The following CFAP74 variants were observed in gnomAD, a reference collection of about 807,000 sequenced individuals.
CFAP74 encodes the protein cilia- and flagella-associated protein 74.
In CFAP74, 124 loss-of-function variants were observed where a neutral mutation model predicts 188.9. The ratio of observed to expected loss-of-function variants is 0.66; its 90% CI spans 0.57 to 0.76. CFAP74 has a LOEUF of 0.76. Among genes scored for constraint, CFAP74 ranks in the 30% least tolerant of loss-of-function variants. CFAP74 has a pLI of 0.00. For synonymous variants in CFAP74, 956 were observed against 916.7 expected (o/e 1.04, Z -0.77); for missense variants, 2,198 against 2,165.2 (o/e 1.02, Z -0.30).
At chr1:2,002,859 T>A (rs1658273866) in intron 1 of CFAP74, among the ~76,000 whole-genome samples, 1 of 150,750 alleles carries the variant, frequency 6.6e-6, no homozygotes, top group African/African-American at 2.4e-5. Context: ...TAAGTGAAAG[T>A]TAACTATATT....
intron 9 of CFAP74, 123 bp downstream of exon 9, chr1:1,971,854 TCAC>T (rs1279672048): frequency 1.7e-5 from 12 of 704,174 alleles, no homozygotes; most frequent in Non-Finnish European, 2.9e-5. Flanking sequence ...CCTCCAGGGG[TCAC>T]CAAGTGCGCG....
chr1:1,989,029 C>G, intron 2 of CFAP74, 56 bp from the exon 3 acceptor site: 2 of 916,986 alleles, frequency 2.2e-6, no homozygotes, highest in Non-Finnish European at 3.4e-6. Flanking sequence ...ACATTTGCAT[C>G]TGAAGTTTTA....
At chr1:1,955,390 G>A (rs762039987) in intron 18 of CFAP74, 29 of 1,389,202 alleles carry the variant, frequency 2.1e-5, no homozygotes, top group African/African-American at 2.0e-4. Flanking sequence ...CCCTCCAGGG[G>A]GCACCGCAGA....
intron 9 of CFAP74, 141 bp from the exon 10 acceptor site, chr1:1,970,957 A>C (rs1655936987): frequency 1.0e-6 from 1 of 971,508 alleles, no homozygotes; most frequent in Non-Finnish European, 1.5e-6. Context: ...CTGCACATGC[A>C]CACATCACAC....
intron 18 of CFAP74, chr1:1,955,267 C>A: frequency 7.7e-7 from 1 of 1,293,824 alleles, no homozygotes; most frequent in Middle Eastern, 2.6e-4. Flanking sequence ...GGCTGCAGGG[C>A]AGGAGGCATG....
chr1:1,955,764 G>A lies in CFAP74; in HGVS notation c.2103C>T (p.Ser701=), dbSNP rs759044054. ...FSEQQLEGTE[S]SQADMQSRKE... is the part of the protein sequence containing the mutation. ...TCCGGCTCTGCATGTCCGCCTGGGA[G>A]GACTCCGTGCCCTCTAGCTGCTGCT... The change falls in exon 18 of 39, where the codon TCC becomes TCT. Residue 701 remains serine (S), a synonymous_variant. Transcript: ENST00000682832. The A allele has an allele frequency of 2.5e-6, 4 of 1,614,240 alleles. No homozygotes were observed. The highest frequency in any genetic ancestry group is 3.4e-6 in the Non-Finnish European group (4 of 1,180,036).
rs963961411 is a variant in CFAP74, at chr1:1,973,171, G to A, written c.675-124C>T. 17 of 664,140 alleles carry A rather than the reference G, an allele frequency of 2.6e-5. No individual in the cohort carries two copies. The highest frequency in any genetic ancestry group is 8.3e-5 in the East Asian group (3 of 36,330). The allele number at this position is 664,140 out of a possible 1,614,324, so 41.1% of individuals were successfully genotyped here. On this transcript the variant is annotated intron_variant, in intron 7 of 38. Coordinates refer to ENST00000682832, the MANE Select transcript of CFAP74 (RefSeq NM_001304360.2). This position sits in a 1 kb window ranked among gnomAD's most constrained non-coding sequence, Gnocchi z 6.2. ...GGGCCCTTTCGCTCAGCTCTGTCCCGCACAGCCTCCCTTGGGGAGGAGCGA... is the reference window on the plus strand; with the variant it reads ...GGGCCCTTTCGCTCAGCTCTGTCCCACACAGCCTCCCTTGGGGAGGAGCGA...
intron 18 of CFAP74, among the ~76,000 whole-genome samples, chr1:1,949,736 C>A (rs1175170798): frequency 3.9e-5 from 6 of 152,038 alleles, no homozygotes; most frequent in Admixed American, 1.3e-4. Flanking sequence ...CCAAAATATT[C>A]TTTTTCTAGA....
Position 1,974,140 on chromosome 1 carries a change from C to T in CFAP74, c.559G>A (p.Asp187Asn). The change falls in exon 7 of 39, where the codon GAC becomes AAC. Residue 187 changes from aspartate to asparagine, a missense_variant. Transcript: ENST00000682832. ...CCCGTGGCCTCCACCTCCTCACGGT[C>T]AGCTGTCCGGAAGGCCTCGAGTCGC... ...EGRLEAFRTA[D>N]REEVEATGRR... is the part of the protein sequence containing the mutation. 1 of 1,612,668 alleles carries T rather than the reference C, an allele frequency of 6.2e-7. No individual in the cohort carries two copies. The highest frequency in any genetic ancestry group is 1.7e-5 in the Admixed American group (1 of 59,904).
At chr1:1,962,687 C>T (rs1655177490) in intron 14 of CFAP74, among the ~76,000 whole-genome samples, 1 of 151,978 alleles carries the variant, frequency 6.6e-6, no homozygotes, top group Non-Finnish European at 1.5e-5. Context: ...GAGTTTGAGA[C>T]CAGCCTGGGA....
chr1:1,970,440 G>C (rs570615205), intron 10 of CFAP74, among the ~76,000 whole-genome samples: 1 of 152,166 alleles, frequency 6.6e-6, no homozygotes, highest in Non-Finnish European at 1.5e-5. Context: ...AGGGTTGGGC[G>C]TGGACTGGAG....
chr1:1,959,385 C>T lies in CFAP74; in HGVS notation c.1762-176G>A, dbSNP rs560014260. Among the ~76,000 whole-genome samples the T allele has an allele frequency of 2.0e-5, 3 of 150,656 alleles. No individual in the cohort carries two copies. The East Asian group carries it at 6.0e-4, about 30-fold the overall frequency. ...TGGGGTCCAAGCGATCCTCCCACCTCAGCCTCTCCACTAGCTGGGATTACA... is the reference window on the plus strand; with the variant it reads ...TGGGGTCCAAGCGATCCTCCCACCTTAGCCTCTCCACTAGCTGGGATTACA... On this transcript the variant is annotated intron_variant, in intron 15 of 38. Transcript: ENST00000682832.
intron 14 of CFAP74, among the ~76,000 whole-genome samples, chr1:1,961,038 C>T (rs1435512808): frequency 1.3e-5 from 2 of 152,212 alleles, no homozygotes. Context: ...AAATGAGAGA[C>T]AGGGCAGCTG....
At chr1:1,967,702 A>G (rs938040803) in intron 11 of CFAP74, among the ~76,000 whole-genome samples, 2 of 152,202 alleles carry the variant, frequency 1.3e-5, no homozygotes, top group Non-Finnish European at 2.9e-5. Flanking sequence ...CGGTTGCAGC[A>G]GTGACCTTGA....
At chr1:1,925,759 C>T in intron 33 of CFAP74, 24 bp downstream of exon 33, 2 of 1,600,152 alleles carry the variant, frequency 1.2e-6, no homozygotes, top group Non-Finnish European at 1.7e-6. Flanking sequence ...CTGGAGCCAG[C>T]ACCAGGGCCC....
Position 1,941,232 on chromosome 1 carries a change from C to G in CFAP74, c.2615+796G>C, listed in dbSNP as rs542981527. ...TCCAGGAAGCAGCCGATTTTAAGCT[C>G]AGCTCCGCCCTGTTCCCCTCCTAGT... On this transcript the variant is annotated intron_variant, in intron 22 of 38. Transcript: ENST00000682832. Among the ~76,000 whole-genome samples, 391 of 152,356 alleles carry G rather than the reference C, an allele frequency of 2.6e-3. 1 individual carries two copies. Among genetic ancestry groups the G allele is most frequent in the African/African-American group, 9.0e-3 (373 of 41,584 alleles).
intron 1 of CFAP74, among the ~76,000 whole-genome samples, chr1:1,995,310 A>G (rs1657856218): frequency 1.3e-5 from 2 of 152,008 alleles, no homozygotes; most frequent in South Asian, 4.1e-4. Flanking sequence ...TGGCCAACAT[A>G]GTGAAACCCC....
At chr1:2,001,337 T>G (rs942243235) in intron 1 of CFAP74, among the ~76,000 whole-genome samples, 3 of 151,652 alleles carry the variant, frequency 2.0e-5, no homozygotes, top group South Asian at 2.1e-4. Flanking sequence ...TCATTTTGTT[T>G]TTTTTTTTTT....
At chr1:1,964,439 A>G (rs553593740) in intron 13 of CFAP74, among the ~76,000 whole-genome samples, 19 of 152,354 alleles carry the variant, frequency 1.2e-4, no homozygotes, top group Non-Finnish European at 2.1e-4. Flanking sequence ...CTGGAAGAGA[A>G]GGTCCACACT....
Sources: gnomAD v4.1 joint callset for allele counts (sites outside exome capture counted in the v4.1 genomes callset) on GRCh38, gnomAD v4.1.1 for gene constraint, Gnocchi (gnomAD v3.1) non-coding constraint, MANE v1.5 for transcripts, NCBI Gene and HGNC (gene_info 2026-07-23, HGNC 2026-07-21) for gene names.